OPCML: variants seen among roughly 807,000 people sequenced by gnomAD.
OPCML encodes opioid-binding protein/cell adhesion molecule.
OPCML carries 13 observed loss-of-function variants against 37.8 expected under a neutral mutation model. The ratio of observed to expected loss-of-function variants is 0.34; its 90% CI spans 0.22 to 0.55. The LOEUF is 0.55. Ranked by LOEUF, OPCML falls within the 20% of genes least tolerant of loss-of-function variation. The pLI is 0.91. For synonymous variants in OPCML, 176 were observed against 168.8 expected (o/e 1.04, Z -0.33); for missense variants, 341 against 435.6 (o/e 0.78, Z 1.93).
intron 1 of OPCML, among the ~76,000 whole-genome samples, chr11:133,525,760 A>T (rs1431258398): frequency 6.6e-6 from 1 of 152,178 alleles, no homozygotes; most frequent in Non-Finnish European, 1.5e-5. Context: ...CTGCCCCTTG[A>T]AGTGCCAGAT....
chr11:132,747,635 G>A (rs1050426303), intron 2 of OPCML, among the ~76,000 whole-genome samples: 9 of 152,178 alleles, frequency 5.9e-5, no homozygotes, highest in Non-Finnish European at 1.2e-4. Context: ...CAGACACTGC[G>A]ATTGACTGCA....
At chr11:132,969,639 T>A (rs1455088728) in intron 1 of OPCML, among the ~76,000 whole-genome samples, 1 of 152,212 alleles carries the variant, frequency 6.6e-6, no homozygotes, top group African/African-American at 2.4e-5. Context: ...ATTGCGTACT[T>A]TCCATCAATA....
chr11:132,472,250 T>A (rs914826174), intron 4 of OPCML, among the ~76,000 whole-genome samples: 2 of 152,208 alleles, frequency 1.3e-5, no homozygotes, highest in Non-Finnish European at 2.9e-5. Context: ...CTAAGACCTT[T>A]GAAGGCAAAG....
At chr11:133,447,888 T>C (rs1946503869) in intron 1 of OPCML, among the ~76,000 whole-genome samples, 1 of 152,224 alleles carries the variant, frequency 6.6e-6, no homozygotes, top group African/African-American at 2.4e-5. Context: ...TAAGTTGAGT[T>C]CTTTGTCTTA....
At chr11:133,274,237 C>T (rs1941930423) in intron 1 of OPCML, among the ~76,000 whole-genome samples, 1 of 152,160 alleles carries the variant, frequency 6.6e-6, no homozygotes. Context: ...TGTTGAAGTC[C>T]TATTACCTGG....
chr11:132,621,972 G>A lies in OPCML; in HGVS notation c.379+35115C>T, dbSNP rs539541964. Among the ~76,000 whole-genome samples the A allele has an allele frequency of 2.7e-4, 41 of 152,188 alleles. 1 individual carries two copies. The highest frequency in any genetic ancestry group is 9.4e-4 in the African/African-American group (39 of 41,534). ...AGAAAAGAACTGGTTTCCAATTATT[G>A]AAATAGAGATTAGCCATCATCTCTT... On this transcript the variant is annotated intron_variant, in intron 3 of 7. Coordinates refer to ENST00000524381, the MANE Select transcript of OPCML (RefSeq NM_001012393.5).
intron 2 of OPCML, among the ~76,000 whole-genome samples, chr11:132,842,234 G>A (rs1175682235): frequency 6.6e-6 from 1 of 152,168 alleles, no homozygotes; most frequent in East Asian, 1.9e-4. Context: ...TCCCATAGGA[G>A]TCTGTTGTCA....
chr11:132,936,127 C>T (rs1384139550), intron 2 of OPCML, among the ~76,000 whole-genome samples: 4 of 152,136 alleles, frequency 2.6e-5, no homozygotes, highest in Non-Finnish European at 5.9e-5. Context: ...GGGAAGCCCC[C>T]AAGAAGCAAG....
At position 133,378,101 on chromosome 11, in the gene OPCML, C is replaced by T. The variant is rs139287980; in HGVS notation, c.61+154163G>A. Among the ~76,000 whole-genome samples, 639 of 152,290 alleles carry T rather than the reference C, an allele frequency of 4.2e-3. 3 individuals carry two copies. Among genetic ancestry groups the T allele is most frequent in the Non-Finnish European group, 6.3e-3 (428 of 68,030 alleles). On this transcript the variant is annotated intron_variant, in intron 1 of 7. Transcript: ENST00000524381. ...CCAATTTTTCTTTTTATGCGTCAGG[C>T]GTTTAGAAGAAGCTATGTCTCCCCA...
In OPCML at chr11:133,483,563, C is replaced by A. The variant is rs952578584; in HGVS notation, c.61+48701G>T. Among the ~76,000 whole-genome samples the A allele has an allele frequency of 2.6e-5, 4 of 150,954 alleles. 1 individual carries two copies. In the South Asian group the frequency reaches 8.4e-4, roughly 32 times the overall value. On this transcript the variant is annotated intron_variant, in intron 1 of 7. Coordinates refer to ENST00000524381, the MANE Select transcript of OPCML (RefSeq NM_001012393.5). ...TAGATTAGATAGATAGATAACTAGA[C>A]AAAGGAATGGATGATAGATTAGATA...
At chr11:132,495,817 C>T (rs1478109378) in intron 4 of OPCML, among the ~76,000 whole-genome samples, 1 of 151,078 alleles carries the variant, frequency 6.6e-6, no homozygotes, top group Non-Finnish European at 1.5e-5. Context: ...ATGGTGTGAA[C>T]CCAGGAGGCA....
chr11:132,571,315 G>C (rs933297636), intron 3 of OPCML, among the ~76,000 whole-genome samples: 4 of 152,080 alleles, frequency 2.6e-5, no homozygotes, highest in African/African-American at 7.2e-5. Flanking sequence ...TTCCCCACCT[G>C]TCAGACGGCC....
At chr11:133,282,008 G>A (rs1942170430) in intron 1 of OPCML, among the ~76,000 whole-genome samples, 2 of 151,146 alleles carry the variant, frequency 1.3e-5, no homozygotes, top group Non-Finnish European at 2.9e-5. Flanking sequence ...ATCAGGTTTG[G>A]GAACAACAAC....
At chr11:133,286,203 C>T (rs755286179) in intron 1 of OPCML, among the ~76,000 whole-genome samples, 37 of 152,268 alleles carry the variant, frequency 2.4e-4, no homozygotes, top group Middle Eastern at 3.4e-3. Context: ...GCAATTCCAG[C>T]ACTTTGGGAG....
intron 4 of OPCML, among the ~76,000 whole-genome samples, chr11:132,448,178 G>A (rs1260857294): frequency 6.6e-6 from 1 of 152,208 alleles, no homozygotes; most frequent in Admixed American, 6.5e-5. Context: ...TGCAGATGAA[G>A]CCTTGATGCA....
At chr11:133,097,177 G>C (rs957223301) in intron 1 of OPCML, among the ~76,000 whole-genome samples, 2 of 152,102 alleles carry the variant, frequency 1.3e-5, no homozygotes, top group African/African-American at 4.8e-5. Context: ...AAATGTAAAA[G>C]ACAGAAATTG....
chr11:133,160,595 G>A (rs1459814790), intron 1 of OPCML, among the ~76,000 whole-genome samples: 2 of 152,176 alleles, frequency 1.3e-5, no homozygotes, highest in African/African-American at 4.8e-5. Context: ...CAACTTGATG[G>A]GCAGTTTATG....
chr11:132,777,543 G>A (rs1034581733), intron 2 of OPCML, among the ~76,000 whole-genome samples: 6 of 152,140 alleles, frequency 3.9e-5, no homozygotes, highest in African/African-American at 7.2e-5. Context: ...GCTCACCCAC[G>A]CTGCCTGCTG....
intron 2 of OPCML, among the ~76,000 whole-genome samples, chr11:132,830,830 T>C (rs1009988790): frequency 6.6e-6 from 1 of 152,320 alleles, no homozygotes; most frequent in Admixed American, 6.5e-5. Flanking sequence ...AGGGGAAATA[T>C]GTTTTAATAT....
Sources: gnomAD v4.1 joint callset for allele counts (sites outside exome capture counted in the v4.1 genomes callset) on GRCh38, gnomAD v4.1.1 for gene constraint, MANE v1.5 for transcripts, NCBI Gene and HGNC (gene_info 2026-07-23, HGNC 2026-07-21) for gene names.